Variants in AP4E1 observed in about 807,000 individuals in gnomAD.
AP4E1 encodes adaptor related protein complex 4 subunit epsilon 1.
A neutral mutation model predicts 128.2 loss-of-function variants in AP4E1; 56 were observed. The ratio of observed to expected loss-of-function variants is 0.44; its 90% CI spans 0.35 to 0.55. AP4E1 has a LOEUF of 0.55. AP4E1 is among the 20% of genes least tolerant of loss of function. The probability of loss-of-function intolerance (pLI) is 0.00; values close to 1 mark genes in which losing one functional copy is unlikely to be tolerated. For missense variants in AP4E1, 1,324 were observed against 1,307.7 expected (o/e 1.01, Z -0.19); for synonymous variants, 484 against 473.1 (o/e 1.02, Z -0.30).
intron 13 of AP4E1, among the ~76,000 whole-genome samples, chr15:50,954,940 G>A (rs1478121814): frequency 7.2e-5 from 11 of 152,200 alleles, no homozygotes; most frequent in East Asian, 1.9e-4. Flanking sequence ...GAGAACATGC[G>A]GTGTTTGGTT....
chr15:50,950,623 T>C (rs1193513534), intron 13 of AP4E1, among the ~76,000 whole-genome samples: 1 of 152,178 alleles, frequency 6.6e-6, no homozygotes, highest in Non-Finnish European at 1.5e-5. Context: ...TTTTATTTTA[T>C]TTTTTAAGTT....
At position 51,000,985 on chromosome 15, in the gene AP4E1, A is replaced by G. The variant is rs202081179; in HGVS notation, c.3096-41A>G. 3.4e-6 allele frequency: 5 copies of G among 1,473,172 alleles called. No individual in the cohort carries two copies. The East Asian group carries it at 1.1e-4, about 33-fold the overall frequency. The allele number at this position is 1,473,172 out of a possible 1,614,324, so 91.3% of individuals were successfully genotyped here. A position where few individuals can be genotyped will look rare whatever the true frequency, so the allele number is the denominator to read the frequency against. Reference sequence around the variant, plus strand: ...GAAATTTGTTGTTTAGAATCATTTCACTGTTTTTGACATATATCTAATTTT... The same window carrying G: ...GAAATTTGTTGTTTAGAATCATTTCGCTGTTTTTGACATATATCTAATTTT... On this transcript the variant is annotated intron_variant, in intron 19 of 20. Transcript: ENST00000261842.
intron 16 of AP4E1, among the ~76,000 whole-genome samples, chr15:50,989,487 C>G (rs1567259989): frequency 6.9e-6 from 1 of 145,358 alleles, no homozygotes; most frequent in Non-Finnish European, 1.5e-5. Context: ...TTTTTCTTAT[C>G]TTTTTTTTTT....
At chr15:50,938,750 G>A (rs1231114277) in intron 8 of AP4E1, among the ~76,000 whole-genome samples, 2 of 152,084 alleles carry the variant, frequency 1.3e-5, no homozygotes, top group Non-Finnish European at 2.9e-5. Flanking sequence ...CACAAAGGAA[G>A]CAGTAATGAG....
chr15:50,929,509 T>A (rs1260080875), intron 6 of AP4E1, among the ~76,000 whole-genome samples: 1 of 152,086 alleles, frequency 6.6e-6, no homozygotes. Context: ...TTTATAGAAA[T>A]GAGGAAAACC....
chr15:50,920,251 C>A (rs1180042543), intron 3 of AP4E1, among the ~76,000 whole-genome samples: 1 of 150,986 alleles, frequency 6.6e-6, no homozygotes, highest in East Asian at 2.0e-4. Context: ...GTAGCTGGGA[C>A]TACAGACGCC....
At position 51,003,152 on chromosome 15, in the gene AP4E1, A is replaced by G. The variant is rs2140941814; in HGVS notation, c.*490A>G. The G allele has an allele frequency of 5.4e-6, 1 of 185,642 alleles. No homozygotes were observed. The highest frequency in any genetic ancestry group is 2.5e-3 in the Middle Eastern group (1 of 400). The allele number at this position is 185,642 out of a possible 1,614,324, so 11.5% of individuals were successfully genotyped here. On this transcript the variant is annotated 3_prime_UTR_variant, in exon 21 of 21. Transcript: ENST00000261842. ...ATATTTTCGATTATGTTTTGCTTAG[A>G]TCAGTGTTGAACTAAGTTGGCATAG...
In AP4E1 at chr15:50,958,711, G is replaced by A. The variant is rs956869627; in HGVS notation, c.1768G>A (p.Ala590Thr). The change falls in exon 14 of 21, where the codon GCA becomes ACA. Residue 590 changes from alanine to threonine, a missense_variant. Transcript: ENST00000261842. ...ISLDTCMRQH[A>T]FELKHLHENV... Reference sequence around the variant, plus strand: ...TTTGGATACTTGTATGAGACAACATGCATTTGAATTAAAACATTTGCATGA... The same window carrying A: ...TTTGGATACTTGTATGAGACAACATACATTTGAATTAAAACATTTGCATGA... 7 of 1,613,988 alleles carry A rather than the reference G, an allele frequency of 4.3e-6. No homozygotes were observed. Among genetic ancestry groups the A allele is most frequent in the African/African-American group, 4.0e-5 (3 of 74,922 alleles).
At chr15:50,945,884 G>A (rs2064055552) in intron 10 of AP4E1, 1 of 939,042 alleles carries the variant, frequency 1.1e-6, no homozygotes, top group Non-Finnish European at 1.8e-6. Flanking sequence ...CAGGAACAGT[G>A]CATCATGAAA....
At chr15:50,950,020 A>G (rs2064125586) in intron 12 of AP4E1, 31 bp from the exon 13 acceptor site, 2 of 1,597,462 alleles carry the variant, frequency 1.3e-6, no homozygotes, top group Non-Finnish European at 1.7e-6. Context: ...AAGTTTGTGG[A>G]AATTAAAATG....
Position 50,999,162 on chromosome 15 carries a change from A to G in AP4E1, c.2995A>G (p.Thr999Ala), listed in dbSNP as rs1219671996. 2 of 1,614,010 alleles carry G rather than the reference A, an allele frequency of 1.2e-6. No individual in the cohort carries two copies. Among genetic ancestry groups the G allele is most frequent in the Admixed American group, 3.3e-5 (2 of 60,008 alleles). The change falls in exon 19 of 21, where the codon ACA (threonine) becomes GCA (alanine). Residue 999 changes from threonine (T) to alanine (A), a missense_variant. Thr to Ala is a moderately conservative substitution (Grantham distance 58). Coordinates refer to ENST00000261842, the MANE Select transcript of AP4E1 (RefSeq NM_007347.5). Reference sequence around the variant, plus strand: ...TAGTGTGCAGATAGAAAAACCTTTTACAGAAGGAAATCTTACTGGTTTTAT... The same window carrying G: ...TAGTGTGCAGATAGAAAAACCTTTTGCAGAAGGAAATCTTACTGGTTTTAT... ...QYSVQIEKPF[T>A]EGNLTGFISY...
At position 50,934,635 on chromosome 15, in the gene AP4E1, T is replaced by C. The variant is rs1187831695; in HGVS notation, c.881T>C (p.Leu294Ser). 1 of 1,606,070 alleles carries C rather than the reference T, an allele frequency of 6.2e-7. No homozygotes were observed. The highest frequency in any genetic ancestry group is 8.5e-7 in the Non-Finnish European group (1 of 1,173,288). ...TATCTTTTAAACAGGACAAGTGAAT[T>C]AATGTATGATGTTCTTGATGAATCC... The part of the protein sequence containing the change: ...LGKDDQRTSE[L>S]MYDVLDESLR... The change falls in exon 8 of 21, where the codon TTA becomes TCA. Residue 294 changes from leucine to serine, a missense_variant. Leu to Ser is a moderately radical substitution (Grantham distance 145). Coordinates refer to ENST00000261842, the MANE Select transcript of AP4E1 (RefSeq NM_007347.5).
At chr15:50,998,562 G>A (rs1047042068) in intron 18 of AP4E1, among the ~76,000 whole-genome samples, 33 of 152,026 alleles carry the variant, frequency 2.2e-4, no homozygotes, top group African/African-American at 7.5e-4. Context: ...CCTGGGAGAC[G>A]GAGGTTGCAG....
chr15:50,989,633 G>A (rs887657328), intron 16 of AP4E1, among the ~76,000 whole-genome samples: 10 of 152,118 alleles, frequency 6.6e-5, no homozygotes, highest in Admixed American at 1.3e-4. Context: ...AGGGACCAAA[G>A]GGACAAGGGA....
In AP4E1 at chr15:51,003,318, A is replaced by T. The variant is rs2064987219; in HGVS notation, c.*656A>T. 1 of 152,696 alleles carries T rather than the reference A, an allele frequency of 6.5e-6. No individual in the cohort carries two copies. Among genetic ancestry groups the T allele is most frequent in the Admixed American group, 6.5e-5 (1 of 15,286 alleles). 9.5% of individuals were successfully genotyped at this position (152,696 alleles called of 1,614,324 possible). A position where few individuals can be genotyped will look rare whatever the true frequency, so the allele number is the denominator to read the frequency against. On this transcript the variant is annotated 3_prime_UTR_variant, in exon 21 of 21. Transcript: ENST00000261842. ...TAAAATTTGTCTGTTTTCCACTTGG[A>T]GTTATTTTAAAATTCAAAGTAAATC... is the stretch of plus-strand genomic sequence containing the variant.
At chr15:50,938,893 T>G (rs1381544841) in intron 8 of AP4E1, among the ~76,000 whole-genome samples, 1 of 152,130 alleles carries the variant, frequency 6.6e-6, no homozygotes, top group Non-Finnish European at 1.5e-5. Flanking sequence ...GGGTGATACC[T>G]CCTCTCTCCT....
intron 17 of AP4E1, among the ~76,000 whole-genome samples, chr15:50,996,155 AT>A (rs34048744): frequency 0.38 from 42,730 of 113,292 alleles, 7,686 homozygotes; most frequent in East Asian, 0.43. Context: ...CGCCTGGCTA[AT>A]TTTTTTTTTT....
intron 8 of AP4E1, among the ~76,000 whole-genome samples, chr15:50,940,298 A>G (rs770085270): frequency 2.0e-5 from 3 of 152,180 alleles, no homozygotes; most frequent in Non-Finnish European, 4.4e-5. Flanking sequence ...AGAAAAATTA[A>G]TATATCTGAT....
intron 19 of AP4E1, among the ~76,000 whole-genome samples, chr15:51,000,201 G>A (rs1467471473): frequency 3.5e-5 from 5 of 142,604 alleles, no homozygotes; most frequent in Non-Finnish European, 6.0e-5. Flanking sequence ...GGAGTGCAGT[G>A]GCACACTATG....
Sources: gnomAD v4.1 joint callset for allele counts (sites outside exome capture counted in the v4.1 genomes callset) on GRCh38, gnomAD v4.1.1 for gene constraint, MANE v1.5 for transcripts, NCBI Gene and HGNC (gene_info 2026-07-23, HGNC 2026-07-21) for gene names.